The following ERG variants were observed in gnomAD, a reference collection of about 807,000 sequenced individuals.
ERG encodes the protein transcriptional regulator ERG.
A neutral mutation model predicts 55.3 loss-of-function variants in ERG; 9 were observed. The ratio of observed to expected loss-of-function variants is 0.16; its 90% CI spans 0.10 to 0.28. The LOEUF is 0.28. ERG is among the 10% of genes least tolerant of loss of function. The pLI is 1.00. For synonymous variants in ERG, 223 were observed against 237.3 expected (o/e 0.94, Z 0.55); for missense variants, 434 against 631.6 (o/e 0.69, Z 3.35).
At chr21:38,538,763 T>C (rs1352276134) in intron 2 of ERG, among the ~76,000 whole-genome samples, 3 of 152,014 alleles carry the variant, frequency 2.0e-5, no homozygotes, top group Non-Finnish European at 4.4e-5. Flanking sequence ...TTACCTGGAA[T>C]TGAAAAGAGC....
At chr21:38,385,196 A>C (rs2039541193) in intron 9 of ERG, among the ~76,000 whole-genome samples, 2 of 152,224 alleles carry the variant, frequency 1.3e-5, no homozygotes, top group South Asian at 4.1e-4. Flanking sequence ...TCCCTAGAAG[A>C]CAGCAGCATG....
chr21:38,577,157 T>C (rs2059999638), intron 1 of ERG, among the ~76,000 whole-genome samples: 2 of 152,222 alleles, frequency 1.3e-5, no homozygotes, highest in Admixed American at 1.3e-4. Flanking sequence ...TCAAATTTGC[T>C]ACTGAGCGCA....
intron 9 of ERG, among the ~76,000 whole-genome samples, chr21:38,390,192 G>C (rs1987906584): frequency 6.6e-6 from 1 of 152,160 alleles, no homozygotes; most frequent in Non-Finnish European, 1.5e-5. Flanking sequence ...GAAACACTAG[G>C]ACAGGTGACA....
At chr21:38,551,659 T>A (rs1268478350) in intron 2 of ERG, among the ~76,000 whole-genome samples, 1 of 152,226 alleles carries the variant, frequency 6.6e-6, no homozygotes. Context: ...TGAGAGATAT[T>A]CTTAGCATTG....
intron 5 of ERG, 84 bp downstream of exon 5, chr21:38,402,473 G>T: frequency 2.0e-6 from 2 of 978,804 alleles, no homozygotes; most frequent in Admixed American, 2.2e-5. Flanking sequence ...CCTGGCACGC[G>T]CTGACTGGTT....
intron 1 of ERG, among the ~76,000 whole-genome samples, chr21:38,576,494 C>T (rs79355568): frequency 0.018 from 2,796 of 152,282 alleles, 65 homozygotes; most frequent in African/African-American, 0.064. Context: ...TTTAAAACAC[C>T]GCTTAAATAA....
chr21:38,496,852 T>C (rs2059383842), intron 1 of ERG, among the ~76,000 whole-genome samples: 1 of 152,200 alleles, frequency 6.6e-6, no homozygotes, highest in Non-Finnish European at 1.5e-5. Flanking sequence ...ACTGAGTTTT[T>C]TGGGAAAAAA....
intron 1 of ERG, among the ~76,000 whole-genome samples, chr21:38,611,594 AGT>A (rs2060227751): frequency 6.6e-6 from 1 of 152,092 alleles, no homozygotes; most frequent in Non-Finnish European, 1.5e-5. Context: ...CCCTCACTCC[AGT>A]GTCAGTCTTT....
intron 2 of ERG, among the ~76,000 whole-genome samples, chr21:38,535,392 G>C (rs1490108566): frequency 1.3e-5 from 2 of 152,078 alleles, no homozygotes; most frequent in African/African-American, 4.8e-5. Context: ...ACTGTAAAGT[G>C]GTTGTGACTA....
At chr21:38,513,960 T>A (rs752018815) in intron 2 of ERG, among the ~76,000 whole-genome samples, 1 of 152,052 alleles carries the variant, frequency 6.6e-6, no homozygotes, top group Admixed American at 6.6e-5. Flanking sequence ...TTACTACAGA[T>A]GCTGTAGACA....
At chr21:38,370,386 C>A in the ERG span, among the ~76,000 whole-genome samples, 2 of 152,040 alleles carry the variant, frequency 1.3e-5, no homozygotes, top group Non-Finnish European at 2.9e-5. Context: ...TATCTTTTCA[C>A]TCTCTTTAAT....
the ERG span, among the ~76,000 whole-genome samples, chr21:38,370,546 A>C: frequency 6.6e-6 from 1 of 152,084 alleles, no homozygotes; most frequent in East Asian, 1.9e-4. Flanking sequence ...AATGCTTTAT[A>C]AGTTTAAATT....
At chr21:38,587,640 C>T (rs762917367), upstream of ERG, among the ~76,000 whole-genome samples, 20 of 152,280 alleles carry the variant, frequency 1.3e-4, no homozygotes, top group South Asian at 4.1e-4. Context: ...GCGTGAGCCA[C>T]GGCGCCCGGC....
intron 1 of ERG, among the ~76,000 whole-genome samples, chr21:38,626,085 C>T (rs564248665): frequency 6.6e-6 from 1 of 152,040 alleles, no homozygotes; most frequent in Admixed American, 6.5e-5. Context: ...CCATTTCCAG[C>T]TAATTTTTGT....
chr21:38,651,118 C>T (rs1299699885), intron 1 of ERG, among the ~76,000 whole-genome samples: 1 of 152,156 alleles, frequency 6.6e-6, no homozygotes, highest in Non-Finnish European at 1.5e-5. Context: ...AGAGTTTTGG[C>T]CTGAAATTCA....
intron 3 of ERG, among the ~76,000 whole-genome samples, chr21:38,406,433 C>A (rs1343757634): frequency 6.6e-6 from 1 of 152,020 alleles, no homozygotes; most frequent in Non-Finnish European, 1.5e-5. Flanking sequence ...TTTCTTTTTT[C>A]ATGACATGTC....
intron 1 of ERG, among the ~76,000 whole-genome samples, chr21:38,642,189 CAT>C (rs1323918395): frequency 2.0e-5 from 3 of 152,124 alleles, no homozygotes; most frequent in Non-Finnish European, 4.4e-5. Flanking sequence ...GGTGCCAGCA[CAT>C]ATATATAAAA....
intron 9 of ERG, among the ~76,000 whole-genome samples, chr21:38,388,737 G>A (rs143243321): frequency 3.3e-5 from 5 of 152,286 alleles, no homozygotes; most frequent in African/African-American, 1.2e-4. Context: ...ATTAAGAACA[G>A]TCTTAATGGT....
intron 1 of ERG, among the ~76,000 whole-genome samples, chr21:38,658,108 T>A (rs769382806): frequency 4.6e-5 from 7 of 152,174 alleles, no homozygotes; most frequent in Non-Finnish European, 1.0e-4. Context: ...CAAGTAACCT[T>A]ACACACTGGG....
Sources: allele counts gnomAD v4.1 joint callset (sites outside exome capture counted in the v4.1 genomes callset), GRCh38; gene constraint gnomAD v4.1.1; transcripts MANE v1.5; gene names NCBI Gene and HGNC (gene_info 2026-07-23, HGNC 2026-07-21).